The following NBEAL2 variants were observed in gnomAD, a reference collection of about 807,000 sequenced individuals.
NBEAL2 encodes the protein neurobeachin-like protein 2.
Under a neutral mutation model 299.8 loss-of-function variants are expected in NBEAL2, and 160 were observed. The observed-to-expected ratio is 0.53, with a 90% CI of 0.47 to 0.61. The LOEUF (loss-of-function observed/expected upper bound fraction) is 0.61, where lower values mean the gene tolerates loss of function less well. Among genes scored for constraint, NBEAL2 ranks in the 20% least tolerant of loss-of-function variants. The pLI is 0.00. For synonymous variants in NBEAL2, 1,493 were observed against 1,542.3 expected (o/e 0.97, Z 0.75); for missense variants, 3,112 against 3,649.0 (o/e 0.85, Z 3.79).
Position 46,989,466 on chromosome 3 carries a change from G to T in NBEAL2, c.474-45G>T, listed in dbSNP as rs917388921. ...GGGCCCAAGGAGGGGTGACGGCCAG[G>T]AGTGGTGAGAGCCGGGCTGATGTAC... is the stretch of plus-strand genomic sequence containing the variant. On this transcript the variant is annotated intron_variant, in intron 5 of 53. Coordinates refer to ENST00000450053, the MANE Select transcript of NBEAL2 (RefSeq NM_015175.3). The surrounding 1 kb of genome is among the most constrained non-coding windows in gnomAD (Gnocchi z 5.5). 18 of 1,567,960 alleles carry T rather than the reference G, an allele frequency of 1.1e-5. No homozygotes were observed. Among genetic ancestry groups the T allele is most frequent in the Non-Finnish European group, 1.6e-5 (18 of 1,156,626 alleles).
In NBEAL2 at chr3:46,996,293, G is replaced by T; in HGVS notation, c.2174G>T (p.Gly725Val). 1 of 1,608,496 alleles carries T rather than the reference G, an allele frequency of 6.2e-7. No individual in the cohort carries two copies. ...LSEPFSSCCIGSAGYRTTTTT... is the reference protein window; with the variant it reads ...LSEPFSSCCIVSAGYRTTTTT... ...CAGCCTTTCTCCTCCTGCTGTATCG[G>T]CTCCGCTGGATACCGCACAACGACC... Residue 725 changes from glycine (G) to valine (V), a missense_variant, in exon 16 of 54, where the codon GGC becomes GTC. By Grantham distance (109) the Gly-to-Val change is moderately radical (BLOSUM62 -3). Coordinates refer to ENST00000450053, the MANE Select transcript of NBEAL2 (RefSeq NM_015175.3).
chr3:46,998,454 C>G lies in NBEAL2; in HGVS notation c.3119-9C>G. 1 of 1,609,428 alleles carries G rather than the reference C, an allele frequency of 6.2e-7. No individual in the cohort carries two copies. The highest frequency in any genetic ancestry group is 8.5e-7 in the Non-Finnish European group (1 of 1,177,956). On this transcript the variant is annotated splice_polypyrimidine_tract_variant and intron_variant, in intron 21 of 53. Coordinates refer to ENST00000450053, the MANE Select transcript of NBEAL2 (RefSeq NM_015175.3). ...TAGTGGCCTGAGCCCTCTGCTCATT[C>G]CCGCTCAGGTCACATCCAGTACATG...
Position 47,001,464 on chromosome 3 carries a change from C to T in NBEAL2, c.4644+26C>T, listed in dbSNP as rs2036983714. The T allele has an allele frequency of 6.2e-7, 1 of 1,604,686 alleles. No homozygotes were observed. ...GTGCGACCCCTCAGAGAGGCGTGAGCCACATGAACACTCATGTTCATGCAA... is the reference window on the plus strand; with the variant it reads ...GTGCGACCCCTCAGAGAGGCGTGAGTCACATGAACACTCATGTTCATGCAA... On this transcript the variant is annotated intron_variant, in intron 29 of 53. Coordinates refer to ENST00000450053, the MANE Select transcript of NBEAL2 (RefSeq NM_015175.3). This position sits in a 1 kb window ranked among gnomAD's most constrained non-coding sequence, Gnocchi z 6.1.
intron 10 of NBEAL2, 99 bp from the exon 11 acceptor site, chr3:46,993,838 G>A (rs758260042): frequency 3.6e-5 from 38 of 1,042,238 alleles, no homozygotes; most frequent in Non-Finnish European, 5.5e-5. Context: ...CATGCCACAT[G>A]CCTTGGGGTG....
At chr3:46,987,350 T>C (rs1049987677) in intron 1 of NBEAL2, among the ~76,000 whole-genome samples, 1 of 152,144 alleles carries the variant, frequency 6.6e-6, no homozygotes, top group African/African-American at 2.4e-5. Flanking sequence ...CCTTTTCCAC[T>C]CTAGCTCCCC....
chr3:47,001,447 C>T lies in NBEAL2; in HGVS notation c.4644+9C>T. The T allele has an allele frequency of 6.2e-7, 1 of 1,610,514 alleles. No individual in the cohort carries two copies. Among genetic ancestry groups the T allele is most frequent in the Non-Finnish European group, 8.5e-7 (1 of 1,179,138 alleles). Reference sequence around the variant, plus strand: ...AACTGTGGAGTGAGAAGGTGCGACCCCTCAGAGAGGCGTGAGCCACATGAA... The same window carrying T: ...AACTGTGGAGTGAGAAGGTGCGACCTCTCAGAGAGGCGTGAGCCACATGAA... On this transcript the variant is annotated intron_variant, in intron 29 of 53. Transcript: ENST00000450053. The surrounding 1 kb of genome is among the most constrained non-coding windows in gnomAD (Gnocchi z 6.1).
intron 26 of NBEAL2, 85 bp downstream of exon 26, chr3:46,999,800 T>A (rs1338361641): frequency 6.3e-7 from 1 of 1,591,120 alleles, no homozygotes; most frequent in Non-Finnish European, 8.6e-7. Context: ...TCATGAGGGG[T>A]CTCTGGAGCC....
At chr3:46,993,062 G>A (rs2036222892) in intron 10 of NBEAL2, among the ~76,000 whole-genome samples, 1 of 152,182 alleles carries the variant, frequency 6.6e-6, no homozygotes, top group Admixed American at 6.5e-5. Context: ...CCCTTTCTGG[G>A]GGCTCAACCT....
chr3:46,995,351 C>A lies in NBEAL2; in HGVS notation c.1616C>A (p.Pro539His). The A allele has an allele frequency of 1.9e-6, 3 of 1,610,452 alleles. No homozygotes were observed. In the African/African-American group the frequency reaches 4.0e-5, roughly 21 times the overall value. The stretch of plus-strand genomic sequence containing the variant: ...ATGGAGCTGCGTCACCTGCTGCGCC[C>A]CCGGCCAGGATTGGACTCGGAACCA... ...RPMELRHLLR[P>H]RPGLDSEPGG... The change falls in exon 13 of 54, where the codon CCC becomes CAC. Residue 539 changes from proline (P) to histidine (H), a missense_variant. By Grantham distance (77) the Pro-to-His change is moderately conservative. Around this residue, in one of 3 missense-constraint regions of NBEAL2, gnomAD observed 2,243 missense variants for 2,538.1 expected, o/e 0.88. Coordinates refer to ENST00000450053, the MANE Select transcript of NBEAL2 (RefSeq NM_015175.3).
intron 50 of NBEAL2, 36 bp from the exon 51 acceptor site, chr3:47,008,247 G>C (rs1364537428): frequency 6.2e-7 from 1 of 1,613,024 alleles, no homozygotes; most frequent in Non-Finnish European, 8.5e-7. Flanking sequence ...CTGGAGCCCA[G>C]ACTCCTGCCC....
Position 46,995,446 on chromosome 3 carries a change from C to T in NBEAL2, c.1711C>T (p.His571Tyr). The change falls in exon 13 of 54, where the codon CAC becomes TAC. Residue 571 changes from histidine to tyrosine, a missense_variant. His to Tyr is a moderately conservative substitution (Grantham distance 83). Transcript: ENST00000450053. ...VIRTLSGMAR[H>Y]QGPARALRYF... ...CCGCACATTATCAGGCATGGCCAGG[C>T]ACCAGGGTCCTGCACGTGCTCTGCG... is the stretch of plus-strand genomic sequence containing the variant. The T allele has an allele frequency of 1.2e-6, 2 of 1,612,854 alleles. No individual in the cohort carries two copies. The highest frequency in any genetic ancestry group is 1.7e-6 in the Non-Finnish European group (2 of 1,179,892).
rs565909891 is a variant in NBEAL2, at chr3:47,005,502, G to A, written c.6574G>A (p.Asp2192Asn). ...QLQSGRFDCS[D>N]RQFHSVAAAW... ...CCCCTCCCCCAGCTTTGACTGCTCC[G>A]ACCGGCAGTTCCACTCGGTGGCGGC... The change falls in exon 41 of 54, where the codon GAC becomes AAC. Residue 2192 changes from aspartate to asparagine, a missense_variant. Transcript: ENST00000450053. The A allele has an allele frequency of 1.3e-5, 21 of 1,611,514 alleles. No homozygotes were observed. Among genetic ancestry groups the A allele is most frequent in the African/African-American group, 5.3e-5 (4 of 74,986 alleles).
chr3:46,994,693 TGTTA>T (rs2036351960), intron 12 of NBEAL2, 140 bp downstream of exon 12: 1 of 773,290 alleles, frequency 1.3e-6, no homozygotes, highest in East Asian at 2.7e-5. Context: ...TGGCCATGTC[TGTTA>T]GTGTCACTGG....
Position 46,995,721 on chromosome 3 carries a change from A to G in NBEAL2, c.1906A>G (p.Thr636Ala), listed in dbSNP as rs768024077. The G allele has an allele frequency of 6.2e-7, 1 of 1,613,386 alleles. No individual in the cohort carries two copies. Among genetic ancestry groups the G allele is most frequent in the Admixed American group, 1.7e-5 (1 of 59,986 alleles). ...LQRKQLYSFFTSSGSGFEAFF... is the reference protein window; with the variant it reads ...LQRKQLYSFFASSGSGFEAFF... ...TGGCTTGCCTGCCCCCAGCTTCTTT[A>G]CCAGCAGCGGCTCAGGGTTTGAGGC... The change falls in exon 14 of 54, where the codon ACC (threonine) becomes GCC (alanine). Residue 636 changes from threonine (T) to alanine (A), a missense_variant. Thr to Ala is a moderately conservative substitution (Grantham distance 58). This residue lies in a region of NBEAL2 where 2,243 missense variants were observed against 2,538.1 expected (regional missense o/e 0.88). Transcript: ENST00000450053.
chr3:46,999,148 C>A, intron 24 of NBEAL2, 31 bp downstream of exon 24: 1 of 1,551,848 alleles, frequency 6.4e-7, no homozygotes, highest in Non-Finnish European at 8.7e-7. Context: ...CCCCTGGCAT[C>A]CCATTCACTG....
chr3:46,991,250 C>T lies in NBEAL2; in HGVS notation c.588C>T (p.Pro196=), dbSNP rs767318538. 9 of 1,608,306 alleles carry T rather than the reference C, an allele frequency of 5.6e-6. No individual in the cohort carries two copies. The Admixed American group carries it at 1.3e-4, about 24-fold the overall frequency. ...ESLQNADHLP[P]ILLLRLIHLF... Reference sequence around the variant, plus strand: ...TACAGAATGCAGACCACTTGCCTCCCATACTGCTGTTACGTCTCATCCACC... The same window carrying T: ...TACAGAATGCAGACCACTTGCCTCCTATACTGCTGTTACGTCTCATCCACC... Residue 196 remains proline, a synonymous_variant, in exon 7 of 54, where the codon CCC becomes CCT. Coordinates refer to ENST00000450053, the MANE Select transcript of NBEAL2 (RefSeq NM_015175.3). This position sits in a 1 kb window ranked among gnomAD's most constrained non-coding sequence, Gnocchi z 6.2.
In NBEAL2 at chr3:47,000,803, G is replaced by T. The variant is rs77017903; in HGVS notation, c.4306-198G>T. 5.7e-4 allele frequency: 445 copies of T among 787,562 alleles called. 6 individuals are homozygous for T. In the East Asian group the frequency reaches 0.012, roughly 21 times the overall value. 48.8% of individuals were successfully genotyped at this position (787,562 alleles called of 1,614,324 possible). ...GAGTCTGGCAAGACCCCAGGATTCTGCCTGGAACTCAGGTAGTAGTTGAGA... is the reference window on the plus strand; with the variant it reads ...GAGTCTGGCAAGACCCCAGGATTCTTCCTGGAACTCAGGTAGTAGTTGAGA... On this transcript the variant is annotated intron_variant, in intron 27 of 53. Coordinates refer to ENST00000450053, the MANE Select transcript of NBEAL2 (RefSeq NM_015175.3). The surrounding 1 kb of genome is among the most constrained non-coding windows in gnomAD (Gnocchi z 4.5).
chr3:47,009,454 G>A lies in NBEAL2; in HGVS notation c.*134G>A. The A allele has an allele frequency of 1.2e-6, 1 of 837,784 alleles. No homozygotes were observed. The highest frequency in any genetic ancestry group is 1.9e-6 in the Non-Finnish European group (1 of 532,180). 51.9% of individuals were successfully genotyped at this position (837,784 alleles called of 1,614,324 possible). A position where few individuals can be genotyped will look rare whatever the true frequency, so the allele number is the denominator to read the frequency against. Reference sequence around the variant, plus strand: ...CGGGGCCCACCCTGCCCAGCTCAGGGATTGGCGGGCGATGTTACCCCCTCA... The same window carrying A: ...CGGGGCCCACCCTGCCCAGCTCAGGAATTGGCGGGCGATGTTACCCCCTCA... On this transcript the variant is annotated 3_prime_UTR_variant, in exon 54 of 54. Transcript: ENST00000450053.
Position 47,003,672 on chromosome 3 carries a change from G to A in NBEAL2, c.5721-144G>A. 1 of 1,148,310 alleles carries A rather than the reference G, an allele frequency of 8.7e-7. No homozygotes were observed. Among genetic ancestry groups the A allele is most frequent in the African/African-American group, 1.6e-5 (1 of 63,794 alleles). The allele number at this position is 1,148,310 out of a possible 1,614,324, so 71.1% of individuals were successfully genotyped here. A position where few individuals can be genotyped will look rare whatever the true frequency, so the allele number is the denominator to read the frequency against. ...GGGGGACAGGGGCTGGGACCAGTAG[G>A]TTCTGGACCCTAGGCAGCCCCTCCC... On this transcript the variant is annotated intron_variant, in intron 35 of 53. Coordinates refer to ENST00000450053, the MANE Select transcript of NBEAL2 (RefSeq NM_015175.3). This position sits in a 1 kb window ranked among gnomAD's most constrained non-coding sequence, Gnocchi z 7.0.
Sources: allele counts gnomAD v4.1 joint callset (sites outside exome capture counted in the v4.1 genomes callset), GRCh38; gene constraint gnomAD v4.1.1; regional missense constraint gnomAD v4.1.1; non-coding constraint Gnocchi (gnomAD v3.1); transcripts MANE v1.5; gene names NCBI Gene and HGNC (gene_info 2026-07-23, HGNC 2026-07-21).